CACNA2D3: variants seen among roughly 807,000 people sequenced by gnomAD.
The protein encoded by CACNA2D3 is calcium voltage-gated channel auxiliary subunit alpha2delta 3, also known as voltage-dependent calcium channel subunit alpha-2/delta-3.
In CACNA2D3, 60 loss-of-function variants were observed where a neutral mutation model predicts 160.6. The observed-to-expected ratio is 0.37, with a 90% CI of 0.30 to 0.46. The LOEUF is 0.46. Among genes scored for constraint, CACNA2D3 ranks in the 20% least tolerant of loss-of-function variants. CACNA2D3 has a pLI of 1.00. For synonymous variants in CACNA2D3, 558 were observed against 492.9 expected (o/e 1.13, Z -1.75); for missense variants, 1,205 against 1,365.0 (o/e 0.88, Z 1.85).
intron 3 of CACNA2D3, among the ~76,000 whole-genome samples, chr3:54,356,310 C>T (rs1698648298): frequency 6.6e-6 from 1 of 152,164 alleles, no homozygotes; most frequent in Non-Finnish European, 1.5e-5. Flanking sequence ...CCATCTGAAA[C>T]TCATCGTTGT....
chr3:54,865,383 C>G (rs1475969129), intron 17 of CACNA2D3, among the ~76,000 whole-genome samples: 1 of 152,194 alleles, frequency 6.6e-6, no homozygotes, highest in African/African-American at 2.4e-5. Context: ...GATTGTGACT[C>G]TCTCAAAGTA....
At chr3:54,578,282 A>G (rs986541196) in intron 8 of CACNA2D3, among the ~76,000 whole-genome samples, 2 of 152,234 alleles carry the variant, frequency 1.3e-5, no homozygotes, top group Non-Finnish European at 2.9e-5. Flanking sequence ...ACTAGGGATC[A>G]AGGAGAGCCA....
intron 21 of CACNA2D3, among the ~76,000 whole-genome samples, chr3:54,883,559 C>T (rs546811848): frequency 1.8e-4 from 28 of 152,190 alleles, no homozygotes; most frequent in African/African-American, 6.5e-4. Flanking sequence ...TTTATAGGTC[C>T]TGTGAAATAG....
At chr3:54,488,473 G>C (rs890694522) in intron 4 of CACNA2D3, among the ~76,000 whole-genome samples, 3 of 152,050 alleles carry the variant, frequency 2.0e-5, no homozygotes, top group African/African-American at 2.4e-5. Flanking sequence ...GCATTAGACT[G>C]AACAGTGGCC....
intron 13 of CACNA2D3, among the ~76,000 whole-genome samples, chr3:54,807,730 A>T (rs1703170529): frequency 6.6e-6 from 1 of 152,064 alleles, no homozygotes; most frequent in Non-Finnish European, 1.5e-5. Flanking sequence ...ACTATAAATC[A>T]TGCTGCTATA....
intron 18 of CACNA2D3, among the ~76,000 whole-genome samples, chr3:54,873,389 A>ATT (rs61306975): frequency 5.9e-5 from 9 of 151,344 alleles, no homozygotes; most frequent in African/African-American, 2.2e-4. Flanking sequence ...CTGTTGATTT[A>ATT]TTTTTTTTGT....
chr3:54,494,367 C>A (rs1246326124), intron 4 of CACNA2D3, among the ~76,000 whole-genome samples: 1 of 152,138 alleles, frequency 6.6e-6, no homozygotes, highest in Non-Finnish European at 1.5e-5. Flanking sequence ...ACACAATCGT[C>A]CCTGGTAAAT....
intron 4 of CACNA2D3, among the ~76,000 whole-genome samples, chr3:54,449,321 T>A (rs17054031): frequency 0.031 from 4,657 of 152,310 alleles, 237 homozygotes; most frequent in African/African-American, 0.11. Flanking sequence ...GGAATTTATC[T>A]CTATGTGTAG....
chr3:54,239,530 C>A (rs1209943533), intron 2 of CACNA2D3, among the ~76,000 whole-genome samples: 2 of 152,190 alleles, frequency 1.3e-5, no homozygotes, highest in African/African-American at 4.8e-5. Context: ...TCTGTTGTGA[C>A]CCCTGTTGCC....
chr3:54,473,467 G>A (rs937103734), intron 4 of CACNA2D3, among the ~76,000 whole-genome samples: 3 of 152,122 alleles, frequency 2.0e-5, no homozygotes, highest in African/African-American at 7.2e-5. Context: ...CAGGACATAG[G>A]CATGGGCAAA....
intron 13 of CACNA2D3, among the ~76,000 whole-genome samples, chr3:54,808,785 C>T (rs1218312930): frequency 6.6e-6 from 1 of 152,160 alleles, no homozygotes; most frequent in African/African-American, 2.4e-5. Flanking sequence ...CATTTCTTCA[C>T]TAACCCACTG....
intron 29 of CACNA2D3, among the ~76,000 whole-genome samples, chr3:54,974,950 C>A (rs1702351976): frequency 1.3e-5 from 2 of 152,106 alleles, no homozygotes; most frequent in South Asian, 2.1e-4. Flanking sequence ...TTTTATTGGA[C>A]AGGCCATATG....
At chr3:54,384,995 A>G (rs1699165183) in intron 3 of CACNA2D3, among the ~76,000 whole-genome samples, 1 of 152,164 alleles carries the variant, frequency 6.6e-6, no homozygotes, top group South Asian at 2.1e-4. Flanking sequence ...TGCTAGGATT[A>G]CTAGTGTGAA....
intron 9 of CACNA2D3, among the ~76,000 whole-genome samples, chr3:54,612,371 A>G (rs531859021): frequency 6.6e-6 from 1 of 152,036 alleles, no homozygotes; most frequent in South Asian, 2.1e-4. Flanking sequence ...TTAGACTCAT[A>G]ATCATAGTCT....
chr3:54,534,739 A>G (rs1286624704), intron 5 of CACNA2D3, among the ~76,000 whole-genome samples: 7 of 150,558 alleles, frequency 4.6e-5, no homozygotes, highest in African/African-American at 1.7e-4. Context: ...CCTGGCCAAC[A>G]TGACAAAACG....
At chr3:55,051,877 G>A (rs776020577) in intron 35 of CACNA2D3, among the ~76,000 whole-genome samples, 9 of 151,910 alleles carry the variant, frequency 5.9e-5, no homozygotes, top group Admixed American at 1.3e-4. Context: ...TCCAGGTGCC[G>A]TCTGTCACCC....
rs115083813 is a variant in CACNA2D3 at position 54,391,597 on chromosome 3, G to A, written c.381+4823G>A. 2.7e-3 allele frequency among the ~76,000 whole-genome samples: 411 copies of A among 151,086 alleles called. 3 individuals are homozygous for A. Among genetic ancestry groups the A allele is most frequent in the African/African-American group, 9.3e-3 (381 of 41,054 alleles). The stretch of plus-strand genomic sequence containing the variant: ...GCGATCTCAGCTCACTATAACCTGC[G>A]CCTCCCAGCTTCAAGTGATTCTCAT... On this transcript the variant is annotated intron_variant, in intron 4 of 37. Transcript: ENST00000474759.
rs1277404365 is a variant in CACNA2D3 at position 54,969,827 on chromosome 3, A to T, written c.2539A>T (p.Ile847Phe). 1 of 1,613,482 alleles carries T rather than the reference A, an allele frequency of 6.2e-7. No homozygotes were observed. The change falls in exon 29 of 38, where the codon ATC becomes TTC. Residue 847 changes from isoleucine (I) to phenylalanine (F), a missense_variant. Around this residue, in one of 3 missense-constraint regions of CACNA2D3, gnomAD observed 911 missense variants for 1,002.2 expected, o/e 0.91. Coordinates refer to ENST00000474759, the MANE Select transcript of CACNA2D3 (RefSeq NM_018398.3). ...TGCTTCCCTGGATGGCAAATGCTCC[A>T]TCAGCTGTGATGATGAGGTAAGACG... The part of the protein sequence containing the change: ...QCASLDGKCS[I>F]SCDDETVNCY...
intron 11 of CACNA2D3, among the ~76,000 whole-genome samples, chr3:54,717,744 GGTGTGGTGTGTGCAAGCGTGT>G (rs1188781423): frequency 7.1e-5 from 9 of 126,980 alleles, no homozygotes; most frequent in African/African-American, 2.7e-4. Flanking sequence ...GTGCATGTGT[GGTGTGGTGTGTGCAAGCGTGT>G]GTGTGGTGTG....
Sources: gnomAD v4.1 joint callset for allele counts (sites outside exome capture counted in the v4.1 genomes callset) on GRCh38, gnomAD v4.1.1 for gene constraint, gnomAD v4.1.1 regional missense constraint, MANE v1.5 for transcripts, NCBI Gene and HGNC (gene_info 2026-07-23, HGNC 2026-07-21) for gene names.